The following CLCN5 variants were observed in gnomAD, a reference collection of about 807,000 sequenced individuals.
CLCN5 encodes Cl-/H+ antiporter 5, also known as H(+)/Cl(-) exchange transporter 5.
A neutral mutation model predicts 54.0 loss-of-function variants in CLCN5; 17 were observed. The ratio of observed to expected loss-of-function variants is 0.31; its 90% CI spans 0.22 to 0.47. CLCN5 has a LOEUF of 0.47. Among genes scored for constraint, CLCN5 ranks in the 20% least tolerant of loss-of-function variants. The probability of loss-of-function intolerance (pLI) is 1.00; values close to 1 mark genes in which losing one functional copy is unlikely to be tolerated. For synonymous variants in CLCN5, 222 were observed against 233.0 expected, an observed-to-expected ratio of 0.95 and a Z score of 0.43; for missense variants, 448 against 646.7, an observed-to-expected ratio of 0.69 and a Z score of 3.33.
intron 3 of CLCN5, among the ~76,000 whole-genome samples, chrX:50,027,324 ATTTC>A (rs782190309): frequency 6.3e-5 from 7 of 110,864 alleles, no homozygotes; most frequent in Non-Finnish European, 1.1e-4. Context: ...GGCTTCTTGT[ATTTC>A]TTTCTTCTCC....
At position 50,064,664 on chromosome X, in the gene CLCN5, C is replaced by A. The variant is rs200890390; in HGVS notation, c.164-5215C>A. Among the ~76,000 whole-genome samples the A allele has an allele frequency of 1.3e-3, 131 of 98,508 alleles. 1 individual carries two copies. Among genetic ancestry groups the A allele is most frequent in the Non-Finnish European group, 1.7e-3 (85 of 49,191 alleles). 85.5% of individuals were successfully genotyped at this position (98,508 alleles called of 115,157 possible). The stretch of plus-strand genomic sequence containing the variant: ...TCACAGAATTGGAAAAAACTACTTT[C>A]AAGTTCATATGGAACCAAAAAAGAG... On this transcript the variant is annotated intron_variant, in intron 4 of 14. Transcript: ENST00000376091.
intron 4 of CLCN5, among the ~76,000 whole-genome samples, chrX:50,057,109 A>G (rs1932762835): frequency 9.0e-6 from 1 of 110,778 alleles, no homozygotes; most frequent in African/African-American, 3.3e-5. Flanking sequence ...CTGCCCAGTG[A>G]TATTGGCTGT....
At chrX:49,954,142 C>T (rs1157850507) in intron 3 of CLCN5, among the ~76,000 whole-genome samples, 1 of 111,226 alleles carries the variant, frequency 9.0e-6, no homozygotes, top group African/African-American at 3.3e-5. Context: ...TCAAATGTAT[C>T]AGCCTTTTCC....
At position 50,042,344 on chromosome X, in the gene CLCN5, G is replaced by A; in HGVS notation, c.45G>A (p.Gln15=). 8.5e-7 allele frequency: 1 copy of A among 1,175,068 alleles called. No individual in the cohort carries two copies. The highest frequency in any genetic ancestry group is 1.1e-6 in the Non-Finnish European group (1 of 876,078). Residue 15 remains glutamine, a synonymous_variant, in exon 4 of 15, where the codon CAG becomes CAA. Coordinates refer to ENST00000376091, the MANE Select transcript of CLCN5 (RefSeq NM_001127898.4). ...QGAMDNRGFQ[Q]GSFSSFQNSS... ...CCATGGATAACAGAGGCTTTCAGCA[G>A]GGGAGTTTTAGTAGCTTCCAGAACA...
intron 3 of CLCN5, among the ~76,000 whole-genome samples, chrX:49,982,609 TAGA>T (rs1490065493): frequency 8.1e-5 from 9 of 111,685 alleles, no homozygotes; most frequent in African/African-American, 2.9e-4. Flanking sequence ...GGCTCTAGAA[TAGA>T]AGCAACTAAA....
At chrX:50,088,473 C>A in intron 11 of CLCN5, 1 of 421,443 alleles carries the variant, frequency 2.4e-6, no homozygotes, top group Non-Finnish European at 4.2e-6. Context: ...GCCTGATGGA[C>A]CCCGAATCAG....
chrX:49,995,007 C>T lies in CLCN5; in HGVS notation c.17-47309C>T, dbSNP rs141099700. On this transcript the variant is annotated intron_variant, in intron 3 of 14. Transcript: ENST00000376091. ...TCTAATTTGTTTTTTTCTTCTCTAA[C>T]CCATTGAGAAAATAAAGATTAACCT... Among the ~76,000 whole-genome samples the T allele has an allele frequency of 7.5e-3, 837 of 112,015 alleles. 4 individuals carry two copies. The highest frequency in any genetic ancestry group is 0.026 in the African/African-American group (789 of 30,813).
intron 3 of CLCN5, among the ~76,000 whole-genome samples, chrX:49,989,530 A>G (rs1018280750): frequency 5.3e-5 from 6 of 112,571 alleles, no homozygotes; most frequent in Non-Finnish European, 1.1e-4. Flanking sequence ...TCTATAATAC[A>G]TAGTAGGCAC....
intron 5 of CLCN5, 53 bp from the exon 6 acceptor site, chrX:50,072,436 A>C (rs1440879540): frequency 1.9e-5 from 16 of 856,811 alleles, no homozygotes; most frequent in Non-Finnish European, 2.4e-5. Flanking sequence ...ACAGTTTTTA[A>C]GTGAAAAAAT....
chrX:50,037,080 T>C (rs1181951101), intron 3 of CLCN5, among the ~76,000 whole-genome samples: 2 of 112,200 alleles, frequency 1.8e-5, no homozygotes, highest in Admixed American at 9.5e-5. Context: ...TTTGTCTTGT[T>C]TGGATTTTAT....
chrX:49,930,548 TTAAACCCAGGGG>T (rs1557168717), intron 3 of CLCN5, among the ~76,000 whole-genome samples: 1 of 111,440 alleles, frequency 9.0e-6, no homozygotes, highest in East Asian at 2.8e-4. Context: ...TAACATAATG[TTAAACCCAGGGG>T]TCAGGGAGTG....
intron 4 of CLCN5, among the ~76,000 whole-genome samples, chrX:50,060,305 G>T (rs974475477): frequency 1.8e-5 from 2 of 110,643 alleles, no homozygotes; most frequent in African/African-American, 6.6e-5. Context: ...TGCGCGCACC[G>T]TGCGCGAGCT....
chrX:49,995,900 C>T (rs1557179595), intron 3 of CLCN5, among the ~76,000 whole-genome samples: 1 of 111,615 alleles, frequency 9.0e-6, no homozygotes, highest in Admixed American at 9.5e-5. Context: ...AGGTAGCTTG[C>T]CCAGGATGAA....
chrX:50,084,540 C>T (rs1485505050), intron 9 of CLCN5, among the ~76,000 whole-genome samples: 2 of 110,505 alleles, frequency 1.8e-5, no homozygotes, highest in African/African-American at 3.3e-5. Flanking sequence ...TGCCATTATA[C>T]CCAGCTGATT....
intron 3 of CLCN5, among the ~76,000 whole-genome samples, chrX:49,957,190 C>T (rs1557173981): frequency 9.0e-6 from 1 of 111,300 alleles, no homozygotes; most frequent in Non-Finnish European, 1.9e-5. Flanking sequence ...ATCCCAGCTA[C>T]TCGGGAGGCT....
At chrX:49,992,208 CTTTTTTT>C (rs200172433) in intron 3 of CLCN5, among the ~76,000 whole-genome samples, 25 of 84,219 alleles carry the variant, frequency 3.0e-4, no homozygotes, top group Admixed American at 2.1e-3. Context: ...CTCTTTTTTT[CTTTTTTT>C]TTTTTTTTTG....
At chrX:50,081,318 G>A (rs1933689050) in intron 8 of CLCN5, among the ~76,000 whole-genome samples, 1 of 109,763 alleles carries the variant, frequency 9.1e-6, no homozygotes, top group Non-Finnish European at 1.9e-5. Context: ...ATGCCTCTTG[G>A]GCTACCACGT....
At chrX:49,954,189 G>T (rs1927197603) in intron 3 of CLCN5, among the ~76,000 whole-genome samples, 1 of 111,239 alleles carries the variant, frequency 9.0e-6, no homozygotes, top group South Asian at 3.8e-4. Flanking sequence ...TCACCACAGA[G>T]CAAGGAATTC....
chrX:49,996,276 C>G (rs1237611919), intron 3 of CLCN5, among the ~76,000 whole-genome samples: 1 of 111,751 alleles, frequency 8.9e-6, no homozygotes, highest in Non-Finnish European at 1.9e-5. Flanking sequence ...TTGAATCACT[C>G]CTCACTCCAC....
Sources: gnomAD v4.1 joint callset for allele counts (sites outside exome capture counted in the v4.1 genomes callset) on GRCh38, gnomAD v4.1.1 for gene constraint, MANE v1.5 for transcripts, NCBI Gene and HGNC (gene_info 2026-07-23, HGNC 2026-07-21) for gene names.